Variants in ZNF83 observed in about 807,000 individuals in gnomAD.
ZNF83 encodes the protein zinc finger protein 816B.
For synonymous variants in ZNF83, 209 were observed against 213.0 expected (o/e 0.98, Z 0.17); for missense variants, 552 against 629.9 (o/e 0.88, Z 1.32).
chr19:52,683,287 C>T (rs2061957068), intron 1 of ZNF83, among the ~76,000 whole-genome samples: 1 of 144,976 alleles, frequency 6.9e-6, no homozygotes, highest in Non-Finnish European at 1.5e-5. Context: ...TGTGTATGCT[C>T]ACGTGTTGTG....
chr19:52,690,235 C>T (rs1399744763), intron 1 of ZNF83, among the ~76,000 whole-genome samples: 1 of 151,702 alleles, frequency 6.6e-6, no homozygotes, highest in East Asian at 1.9e-4. Flanking sequence ...TATACATTGC[C>T]CTAGAGCAGA....
In ZNF83 at chr19:52,656,739, G is replaced by A. The variant is rs138511522; in HGVS notation, c.-200-1052C>T. On this transcript the variant is annotated intron_variant, in intron 2 of 5. Coordinates refer to the ZNF83 transcript ENST00000594682. ...AAATTAGCTTGGTATGGTGGTGTGCGCCTGTAGCCCCAGCTACTCAGGAGG... is the reference window on the plus strand; with the variant it reads ...AAATTAGCTTGGTATGGTGGTGTGCACCTGTAGCCCCAGCTACTCAGGAGG... Among the ~76,000 whole-genome samples, 10 of 151,970 alleles carry A rather than the reference G, an allele frequency of 6.6e-5. No individual in the cohort carries two copies. The East Asian group carries it at 1.2e-3, about 18-fold the overall frequency.
At chr19:52,685,340 G>A (rs1314090533) in intron 1 of ZNF83, among the ~76,000 whole-genome samples, 1 of 152,046 alleles carries the variant, frequency 6.6e-6, no homozygotes, top group Non-Finnish European at 1.5e-5. Context: ...CTTACATGGG[G>A]GCCTGGAAGG....
At chr19:52,634,067 C>G (rs897219772) in intron 2 of ZNF83, among the ~76,000 whole-genome samples, 69 of 150,990 alleles carry the variant, frequency 4.6e-4, no homozygotes, top group African/African-American at 1.6e-3. Flanking sequence ...GTCAGGACTT[C>G]GAGACCAGCC....
intron 3 of ZNF83, among the ~76,000 whole-genome samples, chr19:52,647,468 TG>T (rs555244899): frequency 3.9e-4 from 59 of 152,070 alleles, no homozygotes; most frequent in South Asian, 1.7e-3. Flanking sequence ...TTGGAAGAGA[TG>T]GGGGGTCTCA....
At chr19:52,663,893 A>G (rs1479710564) in intron 1 of ZNF83, among the ~76,000 whole-genome samples, 2 of 152,146 alleles carry the variant, frequency 1.3e-5, no homozygotes, top group African/African-American at 2.4e-5. Flanking sequence ...ATTTTACTTT[A>G]TTTTATTTTA....
rs1444039301 is a variant in ZNF83, at chr19:52,653,333, GA to G, written c.-74+2227del. On this transcript the variant is annotated intron_variant, in intron 3 of 5. Coordinates refer to the ZNF83 transcript ENST00000594682. ...CATGTGTAAGGTTTCTCTCCAGTAT[GA>G]ACTCTCTGATGTTGTGCAAGGTATG... The G allele has an allele frequency of 2.2e-5, 28 of 1,265,388 alleles. No homozygotes were observed. In the Admixed American group the frequency reaches 4.4e-4, roughly 20 times the overall value. The allele number at this position is 1,265,388 out of a possible 1,614,324, so 78.4% of individuals were successfully genotyped here. A position where few individuals can be genotyped will look rare whatever the true frequency, so the allele number is the denominator to read the frequency against.
At chr19:52,645,337 GAC>G (rs2061358445) in intron 3 of ZNF83, among the ~76,000 whole-genome samples, 1 of 152,036 alleles carries the variant, frequency 6.6e-6, no homozygotes, top group Non-Finnish European at 1.5e-5. Flanking sequence ...ATTTGAACCA[GAC>G]ACAAACAGAA....
At chr19:52,657,419 C>T (rs982362270) in intron 2 of ZNF83, among the ~76,000 whole-genome samples, 6 of 151,798 alleles carry the variant, frequency 4.0e-5, no homozygotes, top group Admixed American at 2.0e-4. Context: ...AGACCAGCCT[C>T]ATCAATATGG....
At chr19:52,627,759 C>A (rs2060798603) in intron 2 of ZNF83, among the ~76,000 whole-genome samples, 1 of 152,176 alleles carries the variant, frequency 6.6e-6, no homozygotes. Context: ...CAAACCTTCA[C>A]ATGTAGCCCC....
At chr19:52,637,809 CTG>C (rs1179601954) in intron 1 of ZNF83, among the ~76,000 whole-genome samples, 1 of 152,118 alleles carries the variant, frequency 6.6e-6, no homozygotes, top group Non-Finnish European at 1.5e-5. Flanking sequence ...GAAGAGGTGA[CTG>C]TGGAGGAGAG....
intron 3 of ZNF83, among the ~76,000 whole-genome samples, chr19:52,648,314 G>A (rs889980066): frequency 6.6e-6 from 1 of 151,740 alleles, no homozygotes; most frequent in Admixed American, 6.6e-5. Context: ...TTGTGGTAAA[G>A]GTTAAAAAGA....
chr19:52,688,462 C>G (rs993374239), intron 1 of ZNF83, among the ~76,000 whole-genome samples: 67 of 152,026 alleles, frequency 4.4e-4, no homozygotes, highest in African/African-American at 1.5e-3. Context: ...GCATGAACCA[C>G]TGTACCCAGC....
chr19:52,623,861 T>C (rs887175011), intron 2 of ZNF83, among the ~76,000 whole-genome samples: 78 of 152,206 alleles, frequency 5.1e-4, no homozygotes, highest in African/African-American at 1.8e-3. Context: ...TACAGGTTGG[T>C]TCAGGATCTG....
In ZNF83 at chr19:52,653,206, G is replaced by T. The variant is rs1347107043; in HGVS notation, c.-74+2355C>A. 3.3e-6 allele frequency: 5 copies of T among 1,529,102 alleles called. No homozygotes were observed. In the Admixed American group the frequency reaches 8.5e-5, roughly 26 times the overall value. 94.7% of individuals were successfully genotyped at this position (1,529,102 alleles called of 1,614,324 possible). On this transcript the variant is annotated intron_variant, in intron 3 of 5. Coordinates refer to the ZNF83 transcript ENST00000594682. ...CACAAGGGATGACTTCTGACTGAAG[G>T]TCTTGCCACACTCATTACACTTGTA...
chr19:52,677,173 C>CA (rs1568580027), intron 1 of ZNF83, among the ~76,000 whole-genome samples: 2 of 149,518 alleles, frequency 1.3e-5, no homozygotes, highest in Non-Finnish European at 3.0e-5. Flanking sequence ...AAGATACAAT[C>CA]AAAAAAACAA....
upstream of ZNF83, among the ~76,000 whole-genome samples, chr19:52,642,583 T>A (rs950949997): frequency 1.4e-4 from 21 of 152,180 alleles, no homozygotes; most frequent in African/African-American, 4.3e-4. Flanking sequence ...GAGGCAAGTT[T>A]GTCTGACACA....
At chr19:52,648,461 AG>A (rs1169375575) in intron 3 of ZNF83, among the ~76,000 whole-genome samples, 2 of 151,784 alleles carry the variant, frequency 1.3e-5, no homozygotes, top group Non-Finnish European at 2.9e-5. Flanking sequence ...GAAAAAAAAA[AG>A]AGAGAGAGAG....
chr19:52,637,095 GT>G (rs1398707804), intron 1 of ZNF83: 1 of 151,524 alleles, frequency 6.6e-6, no homozygotes, highest in Non-Finnish European at 1.5e-5. Flanking sequence ...CTCTCCTGCT[GT>G]TTATCCCCTT....
Sources: allele counts gnomAD v4.1 joint callset (sites outside exome capture counted in the v4.1 genomes callset), GRCh38; gene constraint gnomAD v4.1.1; transcripts MANE v1.5; gene names NCBI Gene and HGNC (gene_info 2026-07-23, HGNC 2026-07-21).